SMS: variants seen among roughly 807,000 people sequenced by gnomAD.
The protein encoded by SMS is spermidine aminopropyltransferase.
In SMS, 3 loss-of-function variants were observed where a neutral mutation model predicts 33.0. The observed-to-expected ratio is 0.09, with a 90% confidence interval of 0.04 to 0.23. SMS has a LOEUF of 0.23. Ranked by LOEUF, SMS falls within the 10% of genes least tolerant of loss-of-function variation. SMS has a pLI of 1.00. For synonymous variants in SMS, 103 were observed against 112.2 expected (o/e 0.92, Z 0.52); for missense variants, 117 against 288.6 (o/e 0.41, Z 4.31).
chrX:21,989,969 C>T (rs903144255), intron 9 of SMS, among the ~76,000 whole-genome samples: 2 of 111,395 alleles, frequency 1.8e-5, no homozygotes, highest in Non-Finnish European at 3.8e-5. Context: ...TCTCGAACTC[C>T]TGACCTGAAG....
intron 7 of SMS, among the ~76,000 whole-genome samples, chrX:21,982,788 G>C (rs184909108): frequency 5.3e-5 from 6 of 112,482 alleles, no homozygotes; most frequent in Admixed American, 3.8e-4. Flanking sequence ...GCAAGTATTC[G>C]TAAGAATCTG....
intron 2 of SMS, among the ~76,000 whole-genome samples, chrX:21,970,751 T>TG (rs1274497835): frequency 4.7e-5 from 5 of 106,627 alleles, no homozygotes; most frequent in Non-Finnish European, 9.7e-5. Context: ...TTTAGTTTTT[T>TG]TTTTTTTTTT....
intron 1 of SMS, among the ~76,000 whole-genome samples, chrX:21,958,068 CTGTT>C (rs756409656): frequency 1.8e-5 from 2 of 109,474 alleles, no homozygotes; most frequent in African/African-American, 3.3e-5. Flanking sequence ...TATGGGTTAT[CTGTT>C]TGATGATTAT....
At chrX:21,967,495 C>T (rs749790287) in intron 2 of SMS, among the ~76,000 whole-genome samples, 179 bp downstream of exon 2, 2 of 111,424 alleles carry the variant, frequency 1.8e-5, no homozygotes, top group South Asian at 3.7e-4. Flanking sequence ...GGTAGCGTTA[C>T]TGACCACAGG....
chrX:21,953,746 A>G (rs980905243), intron 1 of SMS, among the ~76,000 whole-genome samples: 1 of 112,348 alleles, frequency 8.9e-6, no homozygotes, highest in Non-Finnish European at 1.9e-5. Flanking sequence ...CAGAGTATCC[A>G]CAGTGATATC....
intron 4 of SMS, among the ~76,000 whole-genome samples, chrX:21,972,896 G>A (rs1924273272): frequency 1.0e-5 from 1 of 95,991 alleles, no homozygotes. Flanking sequence ...TCCTGCCTGG[G>A]TGACACAATG....
intron 7 of SMS, 99 bp downstream of exon 7, chrX:21,979,065 G>A (rs924596008): frequency 2.3e-5 from 14 of 605,930 alleles, no homozygotes; most frequent in Non-Finnish European, 3.7e-5. Flanking sequence ...ATAGTTGGTT[G>A]AGAAGATAAA....
At chrX:21,990,747 G>A (rs1200005862) in intron 9 of SMS, among the ~76,000 whole-genome samples, 2 of 112,906 alleles carry the variant, frequency 1.8e-5, no homozygotes, top group African/African-American at 6.4e-5. Flanking sequence ...GCCATTTACT[G>A]TGCACCTTGG....
At chrX:21,946,544 A>G (rs1922244045) in intron 1 of SMS, among the ~76,000 whole-genome samples, 1 of 111,653 alleles carries the variant, frequency 9.0e-6, no homozygotes, top group Non-Finnish European at 1.9e-5. Flanking sequence ...CTGGAATTCA[A>G]AGCCATGTTT....
chrX:21,967,242 G>A lies in SMS; in HGVS notation c.96G>A (p.Glu32=), dbSNP rs764462364. The change falls in exon 2 of 11, where the codon GAG becomes GAA. Residue 32 remains glutamate (E), a synonymous_variant. Transcript: ENST00000404933. ...ILKGLQSIFQ[E]QGMAESVHTW... ...AAGGCCTCCAGTCCATTTTCCAGGA[G>A]CAGGGGATGGCGGAGTCGGTGCACA... 3.6e-5 allele frequency: 44 copies of A among 1,206,233 alleles called. No homozygotes were observed. The highest frequency in any genetic ancestry group is 4.9e-5 in the Non-Finnish European group (44 of 893,285).
intron 1 of SMS, among the ~76,000 whole-genome samples, chrX:21,951,944 C>T (rs1404707649): frequency 2.7e-5 from 3 of 111,746 alleles, no homozygotes; most frequent in Non-Finnish European, 5.6e-5. Flanking sequence ...AACTGTGATA[C>T]TGTCACAAGT....
chrX:21,972,622 T>C (rs1475187919), intron 4 of SMS, 51 bp downstream of exon 4: 1 of 930,554 alleles, frequency 1.1e-6, no homozygotes, highest in African/African-American at 1.9e-5. Flanking sequence ...GAAACAATCA[T>C]AGTTGGCTGG....
At chrX:21,958,292 G>T (rs1022582390) in intron 1 of SMS, among the ~76,000 whole-genome samples, 1 of 111,807 alleles carries the variant, frequency 8.9e-6, no homozygotes. Context: ...TTGGTTTTTT[G>T]TATAAGGTGA....
intron 1 of SMS, among the ~76,000 whole-genome samples, chrX:21,961,943 G>A (rs983770143): frequency 1.8e-5 from 2 of 112,552 alleles, no homozygotes; most frequent in African/African-American, 6.5e-5. Context: ...AGTGTGATGA[G>A]CTCTGTTAGC....
Position 21,979,188 on chromosome X carries a change from C to CTTT in SMS, c.750+231_750+233dup, listed in dbSNP as rs11447531. Among the ~76,000 whole-genome samples, 224 of 102,688 alleles carry CTTT rather than the reference C, an allele frequency of 2.2e-3. 1 individual carries two copies. Among genetic ancestry groups the CTTT allele is most frequent in the African/African-American group, 6.6e-3 (187 of 28,362 alleles). 89.2% of individuals were successfully genotyped at this position (102,688 alleles called of 115,157 possible). A position where few individuals can be genotyped will look rare whatever the true frequency, so the allele number is the denominator to read the frequency against. On this transcript the variant is annotated intron_variant, in intron 7 of 10. Transcript: ENST00000404933. ...TTCTCTGAATTAAATAAAATTAATT[C>CTTT]TTTTTTTTTTTATTATACTTTCAGT...
At chrX:21,949,902 A>G (rs1297156603) in intron 1 of SMS, among the ~76,000 whole-genome samples, 2 of 110,778 alleles carry the variant, frequency 1.8e-5, no homozygotes, top group Non-Finnish European at 3.8e-5. Context: ...CGGGATTTCC[A>G]GATTAGGGAC....
At chrX:21,950,222 A>G (rs1466238203) in intron 1 of SMS, among the ~76,000 whole-genome samples, 1 of 111,045 alleles carries the variant, frequency 9.0e-6, no homozygotes, top group Non-Finnish European at 1.9e-5. Context: ...TAAATGGCTT[A>G]ACACTGAATC....
chrX:21,957,010 A>G (rs1410488804), intron 1 of SMS, among the ~76,000 whole-genome samples: 2 of 111,868 alleles, frequency 1.8e-5, no homozygotes, highest in Non-Finnish European at 3.8e-5. Flanking sequence ...TACACACCGC[A>G]GCCACTCAGA....
At chrX:21,972,397 C>T in intron 3 of SMS, 110 bp from the exon 4 acceptor site, 1 of 540,545 alleles carries the variant, frequency 1.8e-6, no homozygotes, top group Non-Finnish European at 3.3e-6. Flanking sequence ...GGAGGAGGGA[C>T]AGGTCAATCT....
Sources: gnomAD v4.1 joint callset for allele counts (sites outside exome capture counted in the v4.1 genomes callset) on GRCh38, gnomAD v4.1.1 for gene constraint, MANE v1.5 for transcripts, NCBI Gene and HGNC (gene_info 2026-07-23, HGNC 2026-07-21) for gene names.